The following FBN1 variants were observed in gnomAD, a reference collection of about 807,000 sequenced individuals.
The protein encoded by FBN1 is fibrillin 1, also known as fibrillin-1.
In FBN1, 29 loss-of-function variants were observed where a neutral mutation model predicts 365.1. That is an observed-to-expected ratio of 0.08 (90% CI 0.06 to 0.11). The LOEUF is 0.11. Among genes scored for constraint, FBN1 ranks in the 10% least tolerant of loss-of-function variants. The pLI is 1.00. For missense variants in FBN1, 2,476 were observed against 3,703.2 expected, an observed-to-expected ratio of 0.67 and a Z score of 8.60; for synonymous variants, 1,210 against 1,270.5, an observed-to-expected ratio of 0.95 and a Z score of 1.01.
At chr15:48,420,274 T>C (rs1446969559) in intron 63 of FBN1, among the ~76,000 whole-genome samples, 1 of 152,204 alleles carries the variant, frequency 6.6e-6, no homozygotes, top group Non-Finnish European at 1.5e-5. Context: ...TCAAAATGTG[T>C]AGAGCTGAAC....
In FBN1 at chr15:48,409,446, T is replaced by C. The variant is rs963155212; in HGVS notation, c.*1544A>G. The C allele has an allele frequency of 6.6e-6, 1 of 152,214 alleles. No individual in the cohort carries two copies. The highest frequency in any genetic ancestry group is 1.5e-5 in the Non-Finnish European group (1 of 68,044). 9.4% of individuals were successfully genotyped at this position (152,214 alleles called of 1,614,324 possible). ...TTCATGCCATCTTATTTCCTCTTAT[T>C]TTCACTACCACGAAATGCTTTCCTG... On this transcript the variant is annotated 3_prime_UTR_variant, in exon 66 of 66. Transcript: ENST00000316623.
At chr15:48,414,259 T>C (rs2042885311) in intron 64 of FBN1, among the ~76,000 whole-genome samples, 3 of 152,308 alleles carry the variant, frequency 2.0e-5, no homozygotes, top group Middle Eastern at 6.8e-3. Context: ...TTGTGTCTGA[T>C]TGCTGGCATT....
At chr15:48,628,719 A>C (rs966917464) in intron 2 of FBN1, among the ~76,000 whole-genome samples, 2 of 152,246 alleles carry the variant, frequency 1.3e-5, no homozygotes, top group African/African-American at 4.8e-5. Context: ...GCCTAAGTTC[A>C]AAACTAGGAG....
intron 8 of FBN1, among the ~76,000 whole-genome samples, chr15:48,527,305 G>A (rs6493328): frequency 0.48 from 73,388 of 152,108 alleles, 22,224 homozygotes; most frequent in African/African-American, 0.87. Context: ...TCAAGGAGAG[G>A]TTTTCAATAG....
At chr15:48,611,884 T>C (rs187118322) in intron 3 of FBN1, among the ~76,000 whole-genome samples, 240 of 152,350 alleles carry the variant, frequency 1.6e-3, no homozygotes, top group African/African-American at 5.6e-3. Flanking sequence ...AAACATGATA[T>C]GCAAGGCTAA....
Position 48,644,766 on chromosome 15 carries a change from G to A in FBN1, c.4C>T (p.Arg2Cys). 1 of 1,608,908 alleles carries A rather than the reference G, an allele frequency of 6.2e-7. No individual in the cohort carries two copies. Residue 2 changes from arginine (R) to cysteine (C), a missense_variant, in exon 2 of 66, where the codon CGT becomes TGT. This residue lies in a region of FBN1 where 76 missense variants were observed against 85.4 expected (regional missense o/e 0.89). Transcript: ENST00000316623. ...GCGATCTCCAGCAGACGCCCTCGACGCATGATGCCGAGCCGCCACCGGCTC... is the reference window on the plus strand; with the variant it reads ...GCGATCTCCAGCAGACGCCCTCGACACATGATGCCGAGCCGCCACCGGCTC... The part of the protein sequence containing the change: M[R>C]RGRLLEIALG...
chr15:48,443,691 C>G (rs1420838904), intron 49 of FBN1, among the ~76,000 whole-genome samples: 1 of 152,130 alleles, frequency 6.6e-6, no homozygotes, highest in Admixed American at 6.6e-5. Flanking sequence ...TAGGTGACTT[C>G]TTGAAAATCC....
At position 48,468,429 on chromosome 15, in the gene FBN1, G is replaced by A; in HGVS notation, c.4565C>T (p.Thr1522Ile). The A allele has an allele frequency of 6.2e-7, 1 of 1,614,184 alleles. No homozygotes were observed. The highest frequency in any genetic ancestry group is 8.5e-7 in the Non-Finnish European group (1 of 1,180,026). Reference protein sequence around the residue: ...DCPPDFELNPTRVGCVDTRSG... With the variant: ...DCPPDFELNPIRVGCVDTRSG... ...GGTCTTACCAACACAGCCAACTCGA[G>A]TTGGGTTCAGTTCAAAATCAGGTGG... The change falls in exon 37 of 66, where the codon ACT becomes ATT. Residue 1522 changes from threonine to isoleucine, a missense_variant. Physicochemically the swap from Thr to Ile is moderately conservative, Grantham distance 89. Around this residue, in one of 5 missense-constraint regions of FBN1, gnomAD observed 1,780 missense variants for 2,840.8 expected, o/e 0.63. Transcript: ENST00000316623.
intron 60 of FBN1, among the ~76,000 whole-genome samples, chr15:48,422,701 G>A (rs965903069): frequency 1.4e-4 from 21 of 152,236 alleles, no homozygotes; most frequent in Non-Finnish European, 3.1e-4. Context: ...GCTCATGCCT[G>A]TATTCCCAGC....
intron 63 of FBN1, among the ~76,000 whole-genome samples, chr15:48,419,345 G>C (rs1221603473): frequency 2.0e-5 from 3 of 152,152 alleles, no homozygotes; most frequent in South Asian, 4.2e-4. Context: ...AGGTACAGGA[G>C]CGACATACCT....
chr15:48,434,165 C>T (rs1240855095), intron 54 of FBN1, among the ~76,000 whole-genome samples: 1 of 152,108 alleles, frequency 6.6e-6, no homozygotes, highest in African/African-American at 2.4e-5. Context: ...CTGTGATTGC[C>T]TCCAAATGGC....
At chr15:48,532,527 T>C (rs984815538) in intron 8 of FBN1, among the ~76,000 whole-genome samples, 1 of 151,830 alleles carries the variant, frequency 6.6e-6, no homozygotes, top group African/African-American at 2.4e-5. Flanking sequence ...TGTGTGTATA[T>C]GGCCCGAAAA....
chr15:48,516,177 T>C lies in FBN1; in HGVS notation c.1327+6A>G. On this transcript the variant is annotated splice_donor_region_variant and intron_variant, in intron 11 of 65. Transcript: ENST00000316623. ...AAAAATAACTAGATGATTTTTGAAT[T>C]CTTACTTGGTGGCTCCCGAGATGGA... 2 of 1,613,296 alleles carry C rather than the reference T, an allele frequency of 1.2e-6. No homozygotes were observed. Among genetic ancestry groups the C allele is most frequent in the Non-Finnish European group, 1.7e-6 (2 of 1,179,444 alleles).
In FBN1 at chr15:48,437,885, C is replaced by T. The variant is rs1219570062; in HGVS notation, c.6196G>A (p.Glu2066Lys). ...LRMSYCYAKF[E>K]GGKCSSPKSR... The stretch of plus-strand genomic sequence containing the variant: ...TTGGGTGATGAACACTTTCCTCCTT[C>T]AAACTTCGCATAACAGTAGCTCATT... Residue 2066 changes from glutamate (E) to lysine (K), a missense_variant, in exon 51 of 66, where the codon GAA (glutamate) becomes AAA (lysine). Glu to Lys is a moderately conservative substitution (Grantham distance 56, BLOSUM62 1). Coordinates refer to ENST00000316623, the MANE Select transcript of FBN1 (RefSeq NM_000138.5). 2 of 1,613,730 alleles carry T rather than the reference C, an allele frequency of 1.2e-6. No homozygotes were observed. Among genetic ancestry groups the T allele is most frequent in the Admixed American group, 3.3e-5 (2 of 59,950 alleles).
intron 2 of FBN1, among the ~76,000 whole-genome samples, chr15:48,622,538 T>C (rs766910139): frequency 6.6e-6 from 1 of 152,212 alleles, no homozygotes; most frequent in Non-Finnish European, 1.5e-5. Context: ...GTTGGACCAA[T>C]ATCATGTTCT....
intron 61 of FBN1, 124 bp downstream of exon 61, chr15:48,421,828 A>G: frequency 8.7e-7 from 1 of 1,151,438 alleles, no homozygotes; most frequent in Non-Finnish European, 1.3e-6. Flanking sequence ...GTGTGCTCAC[A>G]CATACATGCA....
At chr15:48,521,602 T>C (rs2043855804) in intron 9 of FBN1, among the ~76,000 whole-genome samples, 2 of 152,212 alleles carry the variant, frequency 1.3e-5, no homozygotes. Flanking sequence ...CTAATTGTCA[T>C]GACATCCGAC....
At chr15:48,489,013 T>G (rs1230179521) in intron 25 of FBN1, among the ~76,000 whole-genome samples, 2 of 152,042 alleles carry the variant, frequency 1.3e-5, no homozygotes, top group Non-Finnish European at 2.9e-5. Flanking sequence ...TTAAAAATAT[T>G]TTCTTAATGT....
chr15:48,635,203 A>C (rs563440206), intron 2 of FBN1, among the ~76,000 whole-genome samples: 2 of 152,340 alleles, frequency 1.3e-5, no homozygotes, highest in Non-Finnish European at 2.9e-5. Flanking sequence ...GCTGTCTGGA[A>C]TACATCTCCG....
Sources: gnomAD v4.1 joint callset for allele counts (sites outside exome capture counted in the v4.1 genomes callset) on GRCh38, gnomAD v4.1.1 for gene constraint, gnomAD v4.1.1 regional missense constraint, MANE v1.5 for transcripts, NCBI Gene and HGNC (gene_info 2026-07-23, HGNC 2026-07-21) for gene names.